AMBRA1: variants seen among roughly 807,000 people sequenced by gnomAD.
AMBRA1 encodes the protein activating molecule in BECN1-regulated autophagy protein 1.
Under a neutral mutation model 125.4 loss-of-function variants are expected in AMBRA1, and 47 were observed. The observed-to-expected ratio is 0.37, with a 90% confidence interval of 0.30 to 0.48. The LOEUF is 0.48. Among genes scored for constraint, AMBRA1 ranks in the 20% least tolerant of loss-of-function variants. The pLI is 0.99. For missense variants in AMBRA1, 1,331 were observed against 1,693.4 expected (o/e 0.79, Z 3.76); for synonymous variants, 626 against 655.5 (o/e 0.95, Z 0.69).
chr11:46,549,716 C>T (rs73449937), intron 1 of AMBRA1, among the ~76,000 whole-genome samples: 1,788 of 152,160 alleles, frequency 0.012, 43 homozygotes, highest in African/African-American at 0.041. Flanking sequence ...ACTCAAGCAA[C>T]GACTTTGGAC....
rs2044694606 is a variant in AMBRA1, at chr11:46,593,862, G to A, written c.-155C>T. On this transcript the variant is annotated 5_prime_UTR_variant, in exon 1 of 18. Coordinates refer to ENST00000683756, the MANE Select transcript of AMBRA1 (RefSeq NM_001387011.1). ...AGACGGGAGCTCGGTTTGCAGTCCA[G>A]CGAACGGGCTGAGCCACAGGGAAAA... 1 of 397,686 alleles carries A rather than the reference G, an allele frequency of 2.5e-6. No individual in the cohort carries two copies. The highest frequency in any genetic ancestry group is 4.4e-6 in the Non-Finnish European group (1 of 225,870). 24.6% of individuals were successfully genotyped at this position (397,686 alleles called of 1,614,324 possible). A position where few individuals can be genotyped will look rare whatever the true frequency, so the allele number is the denominator to read the frequency against.
At chr11:46,557,300 C>CAAA (rs540969219) in intron 1 of AMBRA1, among the ~76,000 whole-genome samples, 3 of 49,120 alleles carry the variant, frequency 6.1e-5, no homozygotes, top group Admixed American at 2.3e-4. Context: ...GACTCCATCT[C>CAAA]AAAAAAAAAA....
chr11:46,474,300 G>A (rs907900661), intron 11 of AMBRA1, among the ~76,000 whole-genome samples: 4 of 152,050 alleles, frequency 2.6e-5, no homozygotes, highest in African/African-American at 9.7e-5. Flanking sequence ...ATGAATAAGG[G>A]AATAAATAAA....
chr11:46,413,711 G>T (rs1254314112), intron 15 of AMBRA1, among the ~76,000 whole-genome samples: 1 of 151,992 alleles, frequency 6.6e-6, no homozygotes, highest in African/African-American at 2.4e-5. Context: ...GGCTGGTCTC[G>T]AACTCCTGAC....
chr11:46,427,563 C>G (rs1224322789), intron 14 of AMBRA1, among the ~76,000 whole-genome samples: 1 of 152,176 alleles, frequency 6.6e-6, no homozygotes, highest in Non-Finnish European at 1.5e-5. Context: ...CATGGCTGGG[C>G]CTCGCCCCCA....
intron 11 of AMBRA1, among the ~76,000 whole-genome samples, chr11:46,465,069 A>T (rs905285491): frequency 6.6e-5 from 10 of 152,134 alleles, no homozygotes; most frequent in African/African-American, 2.4e-4. Flanking sequence ...AAATAAAAAA[A>T]AATAAACACC....
intron 14 of AMBRA1, among the ~76,000 whole-genome samples, chr11:46,422,194 G>A (rs1185561067): frequency 2.6e-5 from 4 of 152,162 alleles, no homozygotes; most frequent in African/African-American, 7.2e-5. Context: ...TGATTGACGA[G>A]TCCTGGTTTC....
At chr11:46,580,614 G>A (rs1264970557) in intron 1 of AMBRA1, among the ~76,000 whole-genome samples, 1 of 152,160 alleles carries the variant, frequency 6.6e-6, no homozygotes. Context: ...AGTCTTGCCT[G>A]TCCTAATTCT....
At chr11:46,436,368 G>A (rs1336933515) in intron 12 of AMBRA1, among the ~76,000 whole-genome samples, 2 of 152,174 alleles carry the variant, frequency 1.3e-5, no homozygotes, top group Non-Finnish European at 2.9e-5. Flanking sequence ...TATCAAAAAA[G>A]GCATTAGAAT....
intron 14 of AMBRA1, among the ~76,000 whole-genome samples, chr11:46,427,118 T>C (rs934107773): frequency 6.6e-6 from 1 of 152,154 alleles, no homozygotes; most frequent in Admixed American, 6.5e-5. Flanking sequence ...GAGAGAGTCA[T>C]AATGAAGTTT....
intron 11 of AMBRA1, among the ~76,000 whole-genome samples, chr11:46,490,491 C>G (rs1467114174): frequency 6.6e-6 from 1 of 152,130 alleles, no homozygotes; most frequent in Non-Finnish European, 1.5e-5. Flanking sequence ...TCTATTATTG[C>G]TTTCAGTCTC....
In AMBRA1 at chr11:46,397,374, G is replaced by A; in HGVS notation, c.*76C>T. On this transcript the variant is annotated 3_prime_UTR_variant, in exon 18 of 18. Transcript: ENST00000683756. ...GATGCAGCCAGCAGCTCTTCCACAT[G>A]TCCAGTTCCCAGTCAGCTGTGAGGT... The A allele has an allele frequency of 7.0e-7, 1 of 1,432,550 alleles. No individual in the cohort carries two copies. Among genetic ancestry groups the A allele is most frequent in the South Asian group, 1.7e-5 (1 of 57,492 alleles). The allele number at this position is 1,432,550 out of a possible 1,614,324, so 88.7% of individuals were successfully genotyped here.
At chr11:46,493,534 G>C (rs1346125964) in intron 11 of AMBRA1, 74 bp downstream of exon 11, 2 of 1,219,562 alleles carry the variant, frequency 1.6e-6, no homozygotes, top group Non-Finnish European at 2.3e-6. Flanking sequence ...CATCAACATA[G>C]GTAAAGGAGG....
intron 1 of AMBRA1, among the ~76,000 whole-genome samples, chr11:46,583,652 C>A (rs868131014): frequency 0.31 from 3,913 of 12,512 alleles, 1,391 homozygotes; most frequent in East Asian, 0.5. Flanking sequence ...AACAAATTTC[C>A]AAAAAAAAAA....
chr11:46,464,973 G>A (rs909105035), intron 11 of AMBRA1, among the ~76,000 whole-genome samples: 4 of 152,114 alleles, frequency 2.6e-5, no homozygotes, highest in African/African-American at 9.7e-5. Flanking sequence ...TGAACCGGGA[G>A]GTGGAGGTTG....
Position 46,474,560 on chromosome 11 carries a change from G to A in AMBRA1, c.2521+19048C>T, listed in dbSNP as rs116134193. Among the ~76,000 whole-genome samples, 1,319 of 152,192 alleles carry A rather than the reference G, an allele frequency of 8.7e-3. 10 individuals are homozygous for A. Among genetic ancestry groups the A allele is most frequent in the African/African-American group, 0.031 (1,272 of 41,522 alleles). On this transcript the variant is annotated intron_variant, in intron 11 of 17. Coordinates refer to ENST00000683756, the MANE Select transcript of AMBRA1 (RefSeq NM_001387011.1). ...CGTGACACCACGCCTGGCTGACTTC[G>A]TATTTTTAGTAGAGTCGGGGTTTCA...
At chr11:46,492,650 C>A (rs914436654) in intron 11 of AMBRA1, among the ~76,000 whole-genome samples, 2 of 152,216 alleles carry the variant, frequency 1.3e-5, no homozygotes, top group African/African-American at 4.8e-5. Context: ...TGCTTTACTT[C>A]CTTCTCTAGA....
intron 7 of AMBRA1, among the ~76,000 whole-genome samples, chr11:46,524,874 T>C (rs949637357): frequency 6.6e-6 from 1 of 152,234 alleles, no homozygotes; most frequent in Admixed American, 6.5e-5. Flanking sequence ...GAGAATCACA[T>C]GCACCCCATC....
intron 7 of AMBRA1, among the ~76,000 whole-genome samples, chr11:46,518,818 CTG>C (rs1219735116): frequency 1.3e-5 from 2 of 152,142 alleles, no homozygotes; most frequent in Non-Finnish European, 1.5e-5. Flanking sequence ...ATAATTCAAA[CTG>C]TGAAATCCTG....
Sources: allele counts gnomAD v4.1 joint callset (sites outside exome capture counted in the v4.1 genomes callset), GRCh38; gene constraint gnomAD v4.1.1; transcripts MANE v1.5; gene names NCBI Gene and HGNC (gene_info 2026-07-23, HGNC 2026-07-21).